Variants in XPC observed in about 807,000 individuals in gnomAD.
The protein encoded by XPC is XPC complex subunit, DNA damage recognition and repair factor.
XPC carries 76 observed loss-of-function variants against 95.8 expected under a neutral mutation model. The observed-to-expected ratio is 0.79, with a 90% CI of 0.66 to 0.96. XPC has a LOEUF of 0.96. Ranked by LOEUF, XPC falls within the 40% of genes least tolerant of loss-of-function variation. The probability of loss-of-function intolerance (pLI) is 0.00; values close to 1 mark genes in which losing one functional copy is unlikely to be tolerated. For missense variants in XPC, 1,146 were observed against 1,179.8 expected, an observed-to-expected ratio of 0.97 and a Z score of 0.42; for synonymous variants, 442 against 442.1, an observed-to-expected ratio of 1.00 and a Z score of 0.00.
chr3:14,146,355 A>G lies in XPC; in HGVS notation c.2605-196T>C, dbSNP rs187942471. Reference sequence around the variant, plus strand: ...CCCAGCCTGGGGTGCATCCAAGCAGACACTGGAGCACCTGCTACGAGCTGA... The same window carrying G: ...CCCAGCCTGGGGTGCATCCAAGCAGGCACTGGAGCACCTGCTACGAGCTGA... On this transcript the variant is annotated intron_variant, in intron 15 of 15. Transcript: ENST00000285021. 1.1e-4 allele frequency among the ~76,000 whole-genome samples: 16 copies of G among 152,156 alleles called. No homozygotes were observed. The East Asian group carries it at 2.5e-3, about 24-fold the overall frequency.
Position 14,158,700 on chromosome 3 carries a change from T to C in XPC, c.1183A>G (p.Lys395Glu). ...TCATCTTCCTCGCTGGAGGAGGGCT[T>C]GCTCCGTTTCTTTCTGCCTCCCTTG... ...RNKGGRKKRS[K>E]PSSSEEDEGP... The change falls in exon 9 of 16, where the codon AAG becomes GAG. Residue 395 changes from lysine to glutamate, a missense_variant. Transcript: ENST00000285021. This position sits in a 1 kb window ranked among gnomAD's most constrained non-coding sequence, Gnocchi z 5.2. 6.2e-7 allele frequency: 1 copy of C among 1,613,888 alleles called. No homozygotes were observed. The highest frequency in any genetic ancestry group is 8.5e-7 in the Non-Finnish European group (1 of 1,179,882).
intron 10 of XPC, 120 bp from the exon 11 acceptor site, chr3:14,152,536 G>T: frequency 1.1e-6 from 1 of 926,496 alleles, no homozygotes; most frequent in Non-Finnish European, 1.6e-6. Context: ...CCTGGAGCAG[G>T]CCGAGCTCCT....
rs1053472598 is a variant in XPC at position 14,169,917 on chromosome 3, T to C, written c.412+521A>G. Among the ~76,000 whole-genome samples the C allele has an allele frequency of 4.6e-5, 7 of 152,152 alleles. No homozygotes were observed. The South Asian group carries it at 1.4e-3, about 31-fold the overall frequency. On this transcript the variant is annotated intron_variant, in intron 3 of 15. Coordinates refer to ENST00000285021, the MANE Select transcript of XPC (RefSeq NM_004628.5). ...CAGAAGGAATCAGGGATGATAACATTAGCTGGTATTTACTGTGAGTGTATG... is the reference window on the plus strand; with the variant it reads ...CAGAAGGAATCAGGGATGATAACATCAGCTGGTATTTACTGTGAGTGTATG...
At chr3:14,157,264 C>T (rs1695954017) in intron 9 of XPC, among the ~76,000 whole-genome samples, 1 of 152,098 alleles carries the variant, frequency 6.6e-6, no homozygotes, top group Non-Finnish European at 1.5e-5. Context: ...CTGGAGCAAA[C>T]ACTCAATATG....
At chr3:14,160,672 A>G (rs559051946) in intron 7 of XPC, among the ~76,000 whole-genome samples, 2 of 152,252 alleles carry the variant, frequency 1.3e-5, no homozygotes, top group African/African-American at 4.8e-5. Flanking sequence ...ATGATGACTA[A>G]ATACAAACTG....
chr3:14,170,320 G>A lies in XPC; in HGVS notation c.412+118C>T, dbSNP rs190165643. On this transcript the variant is annotated intron_variant, in intron 3 of 15. Coordinates refer to ENST00000285021, the MANE Select transcript of XPC (RefSeq NM_004628.5). ...AAGTCCCTAGTACAACCTTATCTGT[G>A]GTCTAATTAGCTCAAAAGAAAACAA... 3.9e-5 allele frequency: 36 copies of A among 928,740 alleles called. No homozygotes were observed. The East Asian group carries it at 8.6e-4, about 22-fold the overall frequency. The allele number at this position is 928,740 out of a possible 1,614,324, so 57.5% of individuals were successfully genotyped here.
intron 14 of XPC, 168 bp from the exon 15 acceptor site, chr3:14,147,547 G>A: frequency 1.4e-6 from 1 of 689,792 alleles, no homozygotes; most frequent in Non-Finnish European, 2.4e-6. Context: ...TTTACAAAGT[G>A]ATATACTATA....
rs1299695511 is a variant in XPC at position 14,145,516 on chromosome 3, A to G, written c.*425T>C. Reference sequence around the variant, plus strand: ...CAACCGAGGCGAGTGAACTTGTCGGACAGATGAAGACTCTAACTGGAAGAA... The same window carrying G: ...CAACCGAGGCGAGTGAACTTGTCGGGCAGATGAAGACTCTAACTGGAAGAA... On this transcript the variant is annotated 3_prime_UTR_variant, in exon 16 of 16. Transcript: ENST00000285021. 2.9e-6 allele frequency: 2 copies of G among 699,298 alleles called. No individual in the cohort carries two copies. Among genetic ancestry groups the G allele is most frequent in the South Asian group, 1.5e-5 (1 of 67,486 alleles). 43.3% of individuals were successfully genotyped at this position (699,298 alleles called of 1,614,324 possible).
rs776709984 is a variant in XPC at position 14,159,588 on chromosome 3, CAA to C, written c.990+151_990+152del. On this transcript the variant is annotated intron_variant, in intron 8 of 15. Transcript: ENST00000285021. ...GCTGCTAGATACCCACTCACATGCC[CAA>C]GTCTTCCCTAACACAGGGTATGTGC... The C allele has an allele frequency of 5.6e-5, 43 of 772,116 alleles. No homozygotes were observed. In the South Asian group the frequency reaches 6.2e-4, roughly 11 times the overall value. 47.8% of individuals were successfully genotyped at this position (772,116 alleles called of 1,614,324 possible). A position where few individuals can be genotyped will look rare whatever the true frequency, so the allele number is the denominator to read the frequency against.
Position 14,173,038 on chromosome 3 carries a change from G to A in XPC, c.128C>T (p.Pro43Leu). Reference sequence around the variant, plus strand: ...AACTTTGGAGAGAAGGCTCTTCTTTGGGGGTTTCTCATCTTCAAAGGCATC... The same window carrying A: ...AACTTTGGAGAGAAGGCTCTTCTTTAGGGGTTTCTCATCTTCAAAGGCATC... ...EEDAFEDEKP[P>L]KKSLLSKVSQ... The change falls in exon 2 of 16, where the codon CCA becomes CTA. Residue 43 changes from proline (P) to leucine (L), a missense_variant. Physicochemically the swap from Pro to Leu is moderately conservative, Grantham distance 98 (BLOSUM62 -3). Transcript: ENST00000285021. The A allele has an allele frequency of 6.3e-7, 1 of 1,595,810 alleles. No individual in the cohort carries two copies.
Position 14,172,979 on chromosome 3 carries a change from G to C in XPC, c.187C>G (p.Pro63Ala). The C allele has an allele frequency of 6.2e-7, 1 of 1,613,758 alleles. No homozygotes were observed. The highest frequency in any genetic ancestry group is 8.5e-7 in the Non-Finnish European group (1 of 1,179,774). The change falls in exon 2 of 16, where the codon CCT (proline) becomes GCT (alanine). Residue 63 changes from proline to alanine, a missense_variant. Transcript: ENST00000285021. The part of the protein sequence containing the change: ...QGKRKRGCSH[P>A]GGSADGPAKK... ...GCTGGACCATCTGCTGAACCCCCAG[G>C]ATGACTGCAGCCTCTTTTCCTCTTT...
chr3:14,164,647 T>G, intron 7 of XPC, 166 bp downstream of exon 7: 3 of 648,248 alleles, frequency 4.6e-6, no homozygotes, highest in Non-Finnish European at 7.5e-6. Context: ...GAAAAGACCT[T>G]AGAGGCATCA....
chr3:14,173,029 C>T lies in XPC; in HGVS notation c.137G>A (p.Ser46Asn), dbSNP rs1206773443. ...TCCTTGTGAAACTTTGGAGAGAAGG[C>T]TCTTCTTTGGGGGTTTCTCATCTTC... is the stretch of plus-strand genomic sequence containing the variant. Reference protein sequence around the residue: ...AFEDEKPPKKSLLSKVSQGKR... With the variant: ...AFEDEKPPKKNLLSKVSQGKR... The change falls in exon 2 of 16, where the codon AGC becomes AAC. Residue 46 changes from serine (S) to asparagine (N), a missense_variant. Physicochemically the swap from Ser to Asn is conservative, Grantham distance 46. Transcript: ENST00000285021. 1.2e-6 allele frequency: 2 copies of T among 1,603,736 alleles called. No homozygotes were observed. Among genetic ancestry groups the T allele is most frequent in the Non-Finnish European group, 1.7e-6 (2 of 1,175,194 alleles).
chr3:14,166,712 CTGTT>C (rs1696394023), intron 5 of XPC, among the ~76,000 whole-genome samples: 1 of 152,178 alleles, frequency 6.6e-6, no homozygotes, highest in Admixed American at 6.5e-5. Context: ...TTGAGTTTCT[CTGTT>C]TGGAAGTCCT....
intron 7 of XPC, among the ~76,000 whole-genome samples, chr3:14,163,968 G>A (rs140250686): frequency 6.6e-6 from 1 of 152,334 alleles, no homozygotes; most frequent in Non-Finnish European, 1.5e-5. Flanking sequence ...AGAATCACTT[G>A]AACCCAGGAG....
At chr3:14,154,984 CA>C (rs962633866) in intron 10 of XPC, among the ~76,000 whole-genome samples, 23 of 152,222 alleles carry the variant, frequency 1.5e-4, no homozygotes, top group African/African-American at 4.6e-4. Flanking sequence ...CTCTTCCCAA[CA>C]GGCTTTCTCC....
chr3:14,156,219 G>T, intron 10 of XPC, 116 bp downstream of exon 10: 1 of 1,337,414 alleles, frequency 7.5e-7, no homozygotes, highest in Non-Finnish European at 1.0e-6. Flanking sequence ...CACTGGCTCA[G>T]CCCGAGAATG....
intron 7 of XPC, among the ~76,000 whole-genome samples, chr3:14,164,061 C>A (rs1696272185): frequency 6.6e-6 from 1 of 152,154 alleles, no homozygotes; most frequent in African/African-American, 2.4e-5. Flanking sequence ...AAAACAAAAA[C>A]AAACAAACAA....
In XPC at chr3:14,158,925, C is replaced by A. The variant is rs780167041; in HGVS notation, c.991-33G>T. On this transcript the variant is annotated intron_variant, in intron 8 of 15. Transcript: ENST00000285021. The surrounding 1 kb of genome is among the most constrained non-coding windows in gnomAD (Gnocchi z 5.2). ...AGAATAAGAAATTTTGCTTTTTTTTCTCCCCCCTCTTTTGCTAATGATATG... is the reference window on the plus strand; with the variant it reads ...AGAATAAGAAATTTTGCTTTTTTTTATCCCCCCTCTTTTGCTAATGATATG... 13 of 1,611,752 alleles carry A rather than the reference C, an allele frequency of 8.1e-6. No individual in the cohort carries two copies. The South Asian group carries it at 1.3e-4, about 16-fold the overall frequency.
Sources: gnomAD v4.1 joint callset for allele counts (sites outside exome capture counted in the v4.1 genomes callset) on GRCh38, gnomAD v4.1.1 for gene constraint, Gnocchi (gnomAD v3.1) non-coding constraint, MANE v1.5 for transcripts, NCBI Gene and HGNC (gene_info 2026-07-23, HGNC 2026-07-21) for gene names.